The following TRMT1L variants were observed in gnomAD, a reference collection of about 807,000 sequenced individuals.
TRMT1L encodes tRNA methyltransferase 1L.
A neutral mutation model predicts 81.6 loss-of-function variants in TRMT1L; 28 were observed. The observed-to-expected ratio is 0.34, with a 90% CI of 0.25 to 0.47. TRMT1L has a LOEUF of 0.47. TRMT1L is among the 20% of genes least tolerant of loss of function. TRMT1L has a pLI of 1.00. For synonymous variants in TRMT1L, 301 were observed against 303.2 expected (o/e 0.99, Z 0.07); for missense variants, 739 against 877.1 (o/e 0.84, Z 1.99).
chr1:185,123,480 GTTAC>G (rs1652546962), intron 13 of TRMT1L, among the ~76,000 whole-genome samples: 1 of 151,884 alleles, frequency 6.6e-6, no homozygotes, highest in Non-Finnish European at 1.5e-5. Context: ...AGGTCTTCTG[GTTAC>G]TTAAATGGAA....
Position 185,137,594 on chromosome 1 carries a change from A to G in TRMT1L, c.1513+12T>C, listed in dbSNP as rs781043993. 6.2e-7 allele frequency: 1 copy of G among 1,609,628 alleles called. No individual in the cohort carries two copies. Among genetic ancestry groups the G allele is most frequent in the Middle Eastern group, 1.6e-4 (1 of 6,066 alleles). ...GGATTATAGATAAACATAATATATA[A>G]CTTGAATTTACCTTCTACCATATTA... On this transcript the variant is annotated intron_variant, in intron 10 of 14. Transcript: ENST00000367506.
Position 185,120,046 on chromosome 1 carries a change from T to C in TRMT1L, c.2175A>G (p.Ala725=), listed in dbSNP as rs2102224482. 6.2e-7 allele frequency: 1 copy of C among 1,613,880 alleles called. No individual in the cohort carries two copies. Among genetic ancestry groups the C allele is most frequent in the South Asian group, 1.1e-5 (1 of 91,070 alleles). Residue 725 remains alanine (A), a synonymous_variant, in exon 15 of 15, where the codon GCA becomes GCG. Transcript: ENST00000367506. ...ERVEMSVNDK[A]EASGCRRW The stretch of plus-strand genomic sequence containing the variant: ...ACCATCTTCTGCAGCCACTTGCTTC[T>C]GCTTTGTCATTCACTGACATTTCAA...
In TRMT1L at chr1:185,119,951, A is replaced by G; in HGVS notation, c.*68T>C. The G allele has an allele frequency of 2.1e-6, 3 of 1,454,132 alleles. No individual in the cohort carries two copies. Among genetic ancestry groups the G allele is most frequent in the Non-Finnish European group, 2.8e-6 (3 of 1,085,266 alleles). The allele number at this position is 1,454,132 out of a possible 1,614,324, so 90.1% of individuals were successfully genotyped here. A position where few individuals can be genotyped will look rare whatever the true frequency, so the allele number is the denominator to read the frequency against. On this transcript the variant is annotated 3_prime_UTR_variant, in exon 15 of 15. Transcript: ENST00000367506. ...ACTGAATTGAAAGAACAGAAAAAGA[A>G]CTACAGTTGGTATAGAGAACTATTA... is the stretch of plus-strand genomic sequence containing the variant.
intron 1 of TRMT1L, among the ~76,000 whole-genome samples, chr1:185,154,489 G>A (rs1467923758): frequency 6.6e-6 from 1 of 152,110 alleles, no homozygotes; most frequent in Non-Finnish European, 1.5e-5. Flanking sequence ...CTTTTGCTAG[G>A]TCAGACAGCA....
At chr1:185,125,134 G>T (rs372158690) in intron 11 of TRMT1L, 24 bp from the exon 12 acceptor site, 15 of 1,538,420 alleles carry the variant, frequency 9.8e-6, no homozygotes, top group Non-Finnish European at 1.3e-5. Flanking sequence ...AATATACAGA[G>T]AACTGGGTTT....
rs1347082746 is a variant in TRMT1L at position 185,128,610 on chromosome 1, C to T, written c.1592+59G>A. 7 of 1,471,654 alleles carry T rather than the reference C, an allele frequency of 4.8e-6. No homozygotes were observed. The Admixed American group carries it at 1.0e-4, about 22-fold the overall frequency. 91.2% of individuals were successfully genotyped at this position (1,471,654 alleles called of 1,614,324 possible). A position where few individuals can be genotyped will look rare whatever the true frequency, so the allele number is the denominator to read the frequency against. ...TTTTACCACACATAATAAAAATCAG[C>T]AATTAATAAATCAATCAATACATCA... On this transcript the variant is annotated intron_variant, in intron 11 of 14. Coordinates refer to ENST00000367506, the MANE Select transcript of TRMT1L (RefSeq NM_030934.5).
At chr1:185,156,962 C>T (rs1388036607), upstream of TRMT1L, 1 of 562,860 alleles carries the variant, frequency 1.8e-6, no homozygotes, top group African/African-American at 2.0e-5. Flanking sequence ...ACGACGCCAC[C>T]ACAAACTGCG....
At chr1:185,156,333 T>C (rs1401188036) in intron 1 of TRMT1L, 145 bp downstream of exon 1, 35 of 1,571,172 alleles carry the variant, frequency 2.2e-5, no homozygotes, top group Non-Finnish European at 2.9e-5. Context: ...CTTTAGCCGC[T>C]ACACGGGCCC....
intron 4 of TRMT1L, 130 bp from the exon 5 acceptor site, chr1:185,145,698 C>T: frequency 1.2e-6 from 1 of 840,952 alleles, no homozygotes; most frequent in Non-Finnish European, 1.8e-6. Context: ...TGCCATGTGA[C>T]TTTGAAGTAT....
chr1:185,127,115 T>C (rs765116390), intron 11 of TRMT1L, among the ~76,000 whole-genome samples: 1 of 152,246 alleles, frequency 6.6e-6, no homozygotes, highest in Non-Finnish European at 1.5e-5. Context: ...CACTGTGCCA[T>C]AGTTTCCTCA....
At chr1:185,123,724 C>T (rs1486312597) in intron 13 of TRMT1L, 133 bp downstream of exon 13, 3 of 580,578 alleles carry the variant, frequency 5.2e-6, no homozygotes, top group Non-Finnish European at 8.8e-6. Context: ...AGTTTTACTA[C>T]AGTTTTGTTG....
At chr1:185,146,607 A>G (rs1452540212) in intron 4 of TRMT1L, among the ~76,000 whole-genome samples, 2 of 152,076 alleles carry the variant, frequency 1.3e-5, no homozygotes, top group African/African-American at 4.8e-5. Flanking sequence ...GCTCAAAAGA[A>G]AATGTAATAA....
In TRMT1L at chr1:185,120,258, A is replaced by G. The variant is rs1425111816; in HGVS notation, c.1963T>C (p.Leu655=). The change falls in exon 15 of 15, where the codon TTG becomes CTG. Residue 655 remains leucine (L), a synonymous_variant. Coordinates refer to ENST00000367506, the MANE Select transcript of TRMT1L (RefSeq NM_030934.5). ...GMNMPKLKKF[L]CYLSQAGFRV... ...AAGCCTGCTTGAGATAAATAGCACA[A>G]AAACTTTTTTAACCTGCAAAAAGGA... is the stretch of plus-strand genomic sequence containing the variant. 1 of 1,559,426 alleles carries G rather than the reference A, an allele frequency of 6.4e-7. No individual in the cohort carries two copies. Among genetic ancestry groups the G allele is most frequent in the Non-Finnish European group, 8.7e-7 (1 of 1,151,936 alleles).
chr1:185,127,606 A>T (rs1652662201), intron 11 of TRMT1L, among the ~76,000 whole-genome samples: 1 of 151,974 alleles, frequency 6.6e-6, no homozygotes, highest in South Asian at 2.1e-4. Flanking sequence ...AAAAAAATAC[A>T]AAATTAGCTG....
intron 10 of TRMT1L, 195 bp downstream of exon 10, chr1:185,137,411 C>A: frequency 1.4e-6 from 1 of 700,038 alleles, no homozygotes; most frequent in East Asian, 2.7e-5. Flanking sequence ...ATATATTGTA[C>A]AGCATGAGTA....
intron 4 of TRMT1L, 77 bp downstream of exon 4, chr1:185,147,105 G>T: frequency 1.0e-6 from 1 of 1,001,882 alleles, no homozygotes; most frequent in Non-Finnish European, 1.5e-6. Context: ...ACACATTTTA[G>T]TTTCACAGTA....
chr1:185,127,595 TA>T (rs1213191083), intron 11 of TRMT1L, among the ~76,000 whole-genome samples: 3 of 151,166 alleles, frequency 2.0e-5, no homozygotes, highest in Non-Finnish European at 4.4e-5. Flanking sequence ...CGGTCTCTAC[TA>T]AAAAAATACA....
At chr1:185,146,862 A>G (rs1030480574) in intron 4 of TRMT1L, among the ~76,000 whole-genome samples, 1 of 152,116 alleles carries the variant, frequency 6.6e-6, no homozygotes, top group Admixed American at 6.6e-5. Flanking sequence ...CTCCTATTCC[A>G]TGACCGAAAT....
At chr1:185,129,454 T>C (rs1652716084) in intron 10 of TRMT1L, among the ~76,000 whole-genome samples, 1 of 152,234 alleles carries the variant, frequency 6.6e-6, no homozygotes, top group African/African-American at 2.4e-5. Context: ...ACTAGCACTA[T>C]TCTTAGTTTT....
Sources: allele counts gnomAD v4.1 joint callset (sites outside exome capture counted in the v4.1 genomes callset), GRCh38; gene constraint gnomAD v4.1.1; transcripts MANE v1.5; gene names NCBI Gene and HGNC (gene_info 2026-07-23, HGNC 2026-07-21).